SLC25A21: variants seen among roughly 807,000 people sequenced by gnomAD.
SLC25A21 encodes solute carrier family 25 member 21, also known as mitochondrial 2-oxodicarboxylate carrier.
In SLC25A21, 47 loss-of-function variants were observed where a neutral mutation model predicts 43.8. That is an observed-to-expected ratio of 1.07 (90% CI 0.85 to 1.37). The LOEUF (loss-of-function observed/expected upper bound fraction) is 1.37, where lower values mean the gene tolerates loss of function less well. SLC25A21 is among the 40% of genes most tolerant of loss of function. The pLI is 0.00. For synonymous variants in SLC25A21, 131 were observed against 121.3 expected (o/e 1.08, Z -0.52); for missense variants, 352 against 350.2 (o/e 1.00, Z -0.04).
At chr14:36,896,695 T>G (rs548351409) in intron 1 of SLC25A21, among the ~76,000 whole-genome samples, 194 of 152,308 alleles carry the variant, frequency 1.3e-3, no homozygotes, top group African/African-American at 2.8e-3. Context: ...CCTTTCCATG[T>G]TTAGTACTTC....
Position 36,780,364 on chromosome 14 carries a change from C to T in SLC25A21, c.203+33554G>A, listed in dbSNP as rs1887008142. Among the ~76,000 whole-genome samples, 6 of 151,972 alleles carry T rather than the reference C, an allele frequency of 3.9e-5. 1 individual carries two copies. The South Asian group carries it at 1.2e-3, about 32-fold the overall frequency. On this transcript the variant is annotated intron_variant, in intron 3 of 9. Transcript: ENST00000331299. Reference sequence around the variant, plus strand: ...CTTTGATCATTGTTATTTCATAGCTCCTACTACTTTTGCCCTTAATTTGCT... The same window carrying T: ...CTTTGATCATTGTTATTTCATAGCTTCTACTACTTTTGCCCTTAATTTGCT...
At chr14:36,756,250 C>T (rs1484831359) in intron 3 of SLC25A21, among the ~76,000 whole-genome samples, 1 of 152,256 alleles carries the variant, frequency 6.6e-6, no homozygotes, top group African/African-American at 2.4e-5. Flanking sequence ...AAGTTCTGAG[C>T]GATTGGAAGC....
chr14:37,142,019 A>G (rs1238325232), intron 1 of SLC25A21, among the ~76,000 whole-genome samples: 2 of 152,124 alleles, frequency 1.3e-5, no homozygotes, highest in Admixed American at 6.5e-5. Flanking sequence ...AAGTGATCCT[A>G]AAGTGTAGTC....
At chr14:36,959,534 T>C (rs529167667) in intron 1 of SLC25A21, among the ~76,000 whole-genome samples, 3 of 152,082 alleles carry the variant, frequency 2.0e-5, no homozygotes, top group African/African-American at 7.2e-5. Flanking sequence ...CTAGAGAGGG[T>C]AGGCTCTTCA....
intron 2 of SLC25A21, among the ~76,000 whole-genome samples, chr14:36,833,049 T>C (rs1889091026): frequency 6.6e-6 from 1 of 151,950 alleles, no homozygotes; most frequent in Non-Finnish European, 1.5e-5. Context: ...TTTCAGTCTA[T>C]CTATAAAGTG....
chr14:36,735,657 TCTC>T (rs1054259621), intron 3 of SLC25A21, among the ~76,000 whole-genome samples: 6 of 152,074 alleles, frequency 3.9e-5, no homozygotes, highest in African/African-American at 1.4e-4. Flanking sequence ...GACCTCTTGT[TCTC>T]CTTCAATTCA....
At chr14:37,158,109 G>A (rs1261126812) in intron 1 of SLC25A21, among the ~76,000 whole-genome samples, 2 of 151,912 alleles carry the variant, frequency 1.3e-5, no homozygotes, top group African/African-American at 2.4e-5. Context: ...CAACAACAAC[G>A]ACAAAAAGGA....
chr14:36,993,214 C>T (rs768541567), intron 1 of SLC25A21, among the ~76,000 whole-genome samples: 1 of 152,100 alleles, frequency 6.6e-6, no homozygotes, highest in Non-Finnish European at 1.5e-5. Context: ...TCGAGTGTGT[C>T]CCTGTCTATG....
chr14:36,915,229 T>C (rs1288370502), intron 1 of SLC25A21, among the ~76,000 whole-genome samples: 2 of 152,114 alleles, frequency 1.3e-5, no homozygotes, highest in South Asian at 2.1e-4. Context: ...TTGCTGGCAG[T>C]ATATCATGGC....
At chr14:36,902,837 C>A (rs550608871) in intron 1 of SLC25A21, among the ~76,000 whole-genome samples, 1 of 152,062 alleles carries the variant, frequency 6.6e-6, no homozygotes, top group East Asian at 1.9e-4. Context: ...GAAAAGAAAT[C>A]AGCTGGGCAT....
intron 3 of SLC25A21, among the ~76,000 whole-genome samples, chr14:36,774,391 C>A (rs535530807): frequency 2.0e-5 from 3 of 152,256 alleles, no homozygotes; most frequent in Admixed American, 6.5e-5. Context: ...TGTGACATTG[C>A]AGAAACTATT....
intron 7 of SLC25A21, among the ~76,000 whole-genome samples, chr14:36,688,678 A>T (rs1321168187): frequency 1.3e-5 from 2 of 152,218 alleles, no homozygotes; most frequent in African/African-American, 2.4e-5. Context: ...ACTACAGGTT[A>T]AAACATGCCT....
chr14:36,689,582 CA>C (rs1434518218), intron 7 of SLC25A21, among the ~76,000 whole-genome samples: 2 of 152,130 alleles, frequency 1.3e-5, no homozygotes, highest in Non-Finnish European at 2.9e-5. Context: ...TCAGGCAATC[CA>C]CCTAAGTGAA....
Position 36,680,154 on chromosome 14 carries a change from A to C in SLC25A21, c.*504T>G, listed in dbSNP as rs1882153400. The C allele has an allele frequency of 4.7e-6, 4 of 851,340 alleles. No homozygotes were observed. The highest frequency in any genetic ancestry group is 1.8e-5 in the African/African-American group (1 of 54,170). 52.7% of individuals were successfully genotyped at this position (851,340 alleles called of 1,614,324 possible). A position where few individuals can be genotyped will look rare whatever the true frequency, so the allele number is the denominator to read the frequency against. On this transcript the variant is annotated 3_prime_UTR_variant, in exon 10 of 10. Coordinates refer to ENST00000331299, the MANE Select transcript of SLC25A21 (RefSeq NM_030631.4). ...AAGGTCATTTTAGTGCACTTTAAAA[A>C]ATTTTTCTTGTGCTCTTTAAATATT...
At chr14:36,772,199 C>T (rs1048326212) in intron 3 of SLC25A21, among the ~76,000 whole-genome samples, 1 of 152,146 alleles carries the variant, frequency 6.6e-6, no homozygotes, top group African/African-American at 2.4e-5. Context: ...CTCTTGTAGC[C>T]TGGCACTCAG....
At chr14:36,864,766 T>C (rs535363928) in intron 2 of SLC25A21, among the ~76,000 whole-genome samples, 6 of 152,210 alleles carry the variant, frequency 3.9e-5, no homozygotes, top group Non-Finnish European at 5.9e-5. Flanking sequence ...TATCCATGGT[T>C]AGAAAGAAGC....
intron 1 of SLC25A21, among the ~76,000 whole-genome samples, chr14:36,886,152 C>A (rs558314731): frequency 1.3e-5 from 2 of 152,260 alleles, no homozygotes; most frequent in Admixed American, 1.3e-4. Context: ...TTACAACATC[C>A]TATTTGATAG....
chr14:36,799,044 A>C (rs1435680671), intron 3 of SLC25A21, among the ~76,000 whole-genome samples: 1 of 152,144 alleles, frequency 6.6e-6, no homozygotes, highest in Non-Finnish European at 1.5e-5. Context: ...ATATATTGGG[A>C]ATCTTCAGGT....
At chr14:36,899,571 T>C (rs985057185) in intron 1 of SLC25A21, among the ~76,000 whole-genome samples, 8 of 152,204 alleles carry the variant, frequency 5.3e-5, no homozygotes, top group African/African-American at 1.9e-4. Context: ...TCATTCAAGC[T>C]GCATCTGAGG....
Sources: allele counts gnomAD v4.1 joint callset (sites outside exome capture counted in the v4.1 genomes callset), GRCh38; gene constraint gnomAD v4.1.1; transcripts MANE v1.5; gene names NCBI Gene and HGNC (gene_info 2026-07-23, HGNC 2026-07-21).